The following EPHA5 variants were observed in gnomAD, a reference collection of about 807,000 sequenced individuals.
EPHA5 encodes ephrin type-A receptor 5.
Under a neutral mutation model 105.0 loss-of-function variants are expected in EPHA5, and 60 were observed. The ratio of observed to expected loss-of-function variants is 0.57; its 90% CI spans 0.46 to 0.71. The LOEUF is 0.71. Ranked by LOEUF, EPHA5 falls within the 30% of genes least tolerant of loss-of-function variation. EPHA5 has a pLI of 0.00. For synonymous variants in EPHA5, 513 were observed against 449.1 expected, an observed-to-expected ratio of 1.14 and a Z score of -1.80; for missense variants, 1,218 against 1,274.7, an observed-to-expected ratio of 0.96 and a Z score of 0.68.
chr4:65,397,554 G>T (rs1322755076), intron 8 of EPHA5, among the ~76,000 whole-genome samples: 2 of 151,896 alleles, frequency 1.3e-5, no homozygotes, highest in African/African-American at 4.8e-5. Flanking sequence ...TGACCAGGAT[G>T]AAACAGCTCT....
chr4:65,442,074 C>A (rs907420845), intron 5 of EPHA5, among the ~76,000 whole-genome samples: 2 of 151,994 alleles, frequency 1.3e-5, no homozygotes, highest in Non-Finnish European at 2.9e-5. Context: ...AATAAAATGT[C>A]CAATGTAATT....
chr4:65,400,867 A>T (rs1721747069), intron 8 of EPHA5, among the ~76,000 whole-genome samples: 1 of 152,122 alleles, frequency 6.6e-6, no homozygotes, highest in African/African-American at 2.4e-5. Flanking sequence ...AGTGATGTTA[A>T]TATTTTGCAA....
chr4:65,656,222 A>G (rs1349134498), intron 1 of EPHA5, among the ~76,000 whole-genome samples: 1 of 151,384 alleles, frequency 6.6e-6, no homozygotes, highest in Non-Finnish European at 1.5e-5. Flanking sequence ...AATCCATCAG[A>G]TAATCAGTGA....
At chr4:65,587,691 C>T (rs1377517703) in intron 3 of EPHA5, among the ~76,000 whole-genome samples, 1 of 152,184 alleles carries the variant, frequency 6.6e-6, no homozygotes, top group African/African-American at 2.4e-5. Context: ...AGGGTAAGAG[C>T]TTCAGAATCC....
chr4:65,560,857 A>G (rs917466755), intron 3 of EPHA5, among the ~76,000 whole-genome samples: 3 of 152,054 alleles, frequency 2.0e-5, no homozygotes, highest in Non-Finnish European at 4.4e-5. Context: ...TTGAAAAATT[A>G]TTTCTAAGTA....
At chr4:65,389,890 T>G (rs1184357968) in intron 8 of EPHA5, among the ~76,000 whole-genome samples, 1 of 152,026 alleles carries the variant, frequency 6.6e-6, no homozygotes, top group East Asian at 1.9e-4. Context: ...TTTTCCCCAA[T>G]TAATTTCCAC....
intron 2 of EPHA5, 50 bp downstream of exon 2, chr4:65,643,313 G>GCT: frequency 1.4e-6 from 2 of 1,383,982 alleles, no homozygotes; most frequent in Non-Finnish European, 1.0e-6. Context: ...CAAGTATCAA[G>GCT]ATGCTTACGC....
chr4:65,631,345 T>C (rs1746614243), intron 2 of EPHA5, among the ~76,000 whole-genome samples: 2 of 152,204 alleles, frequency 1.3e-5, no homozygotes, highest in South Asian at 4.1e-4. Flanking sequence ...AGAGTGACTT[T>C]TGGTAAAACC....
intron 8 of EPHA5, among the ~76,000 whole-genome samples, chr4:65,399,543 T>C (rs1295557396): frequency 1.3e-5 from 2 of 152,228 alleles, no homozygotes; most frequent in Admixed American, 6.5e-5. Context: ...AAATCATACA[T>C]AAGGCCAAGC....
intron 8 of EPHA5, among the ~76,000 whole-genome samples, chr4:65,393,435 A>G (rs989971861): frequency 6.6e-6 from 1 of 152,184 alleles, no homozygotes. Flanking sequence ...TGTGTTCAAC[A>G]CAGTGACCAT....
At chr4:65,350,748 T>A (rs1191173081) in intron 13 of EPHA5, among the ~76,000 whole-genome samples, 1 of 152,178 alleles carries the variant, frequency 6.6e-6, no homozygotes, top group East Asian at 1.9e-4. Context: ...AGAAAAGAGT[T>A]TTGACTTCTG....
At chr4:65,569,429 T>C (rs188766857) in intron 3 of EPHA5, among the ~76,000 whole-genome samples, 9 of 151,764 alleles carry the variant, frequency 5.9e-5, no homozygotes, top group Admixed American at 5.3e-4. Flanking sequence ...TATATCAGTA[T>C]AAGAATAGAA....
At chr4:65,423,919 G>C (rs1245756773) in intron 5 of EPHA5, among the ~76,000 whole-genome samples, 3 of 151,854 alleles carry the variant, frequency 2.0e-5, no homozygotes, top group African/African-American at 4.8e-5. Context: ...ATTAACTTGT[G>C]TATATCTATA....
chr4:65,506,398 A>T lies in EPHA5; in HGVS notation c.911-10855T>A, dbSNP rs1237809278. 1.4e-5 allele frequency among the ~76,000 whole-genome samples: 2 copies of T among 145,802 alleles called. 1 individual carries two copies. Among genetic ancestry groups the T allele is most frequent in the Non-Finnish European group, 3.0e-5 (2 of 65,936 alleles). On this transcript the variant is annotated intron_variant, in intron 3 of 16. Coordinates refer to ENST00000613740, the MANE Select transcript of EPHA5 (RefSeq NM_001281766.3). ...GATGGCTGGGTCAAATGGTATTTCT[A>T]GTTCTAGATCCCTGAGGAATCGCCA...
At chr4:65,409,748 G>A (rs1394866461) in intron 7 of EPHA5, among the ~76,000 whole-genome samples, 3 of 152,152 alleles carry the variant, frequency 2.0e-5, no homozygotes, top group Non-Finnish European at 4.4e-5. Flanking sequence ...AGTAATGTAA[G>A]TATGTAGAAT....
chr4:65,478,626 C>A (rs1435606797), intron 5 of EPHA5, among the ~76,000 whole-genome samples: 1 of 152,022 alleles, frequency 6.6e-6, no homozygotes, highest in Admixed American at 6.6e-5. Context: ...TGTGCACCAC[C>A]ACATCCAGCT....
At chr4:65,638,986 A>G (rs1224244757) in intron 2 of EPHA5, among the ~76,000 whole-genome samples, 1 of 152,256 alleles carries the variant, frequency 6.6e-6, no homozygotes, top group Non-Finnish European at 1.5e-5. Flanking sequence ...ATTTTAAGCC[A>G]TATCTATGAA....
chr4:65,426,737 T>C (rs1025513812), intron 5 of EPHA5, among the ~76,000 whole-genome samples: 2 of 152,188 alleles, frequency 1.3e-5, no homozygotes, highest in African/African-American at 4.8e-5. Flanking sequence ...TCTCCTCACT[T>C]TATTTATCTG....
At chr4:65,482,289 A>AT (rs1229968004) in intron 5 of EPHA5, among the ~76,000 whole-genome samples, 210 of 141,220 alleles carry the variant, frequency 1.5e-3, no homozygotes, top group African/African-American at 4.7e-3. Flanking sequence ...CAAGAACAAG[A>AT]TAAAAAAAAA....
Sources: gnomAD v4.1 joint callset for allele counts (sites outside exome capture counted in the v4.1 genomes callset) on GRCh38, gnomAD v4.1.1 for gene constraint, MANE v1.5 for transcripts, NCBI Gene and HGNC (gene_info 2026-07-23, HGNC 2026-07-21) for gene names.